The following TJP1 variants were observed in gnomAD, a reference collection of about 807,000 sequenced individuals.
TJP1 encodes the protein tight junction protein 1.
Under a neutral mutation model 194.2 loss-of-function variants are expected in TJP1, and 43 were observed. The observed-to-expected ratio is 0.22, with a 90% CI of 0.17 to 0.29. The LOEUF (loss-of-function observed/expected upper bound fraction) is 0.29. TJP1 is among the 10% of genes least tolerant of loss of function. TJP1 has a pLI of 1.00. For missense variants in TJP1, 1,971 were observed against 2,185.7 expected (o/e 0.90, Z 1.96); for synonymous variants, 801 against 779.0 (o/e 1.03, Z -0.47).
At chr15:29,877,547 T>TTTTCTTTCTTTCTTTTTCTC (rs2052748733) in intron 2 of TJP1, among the ~76,000 whole-genome samples, 1 of 152,060 alleles carries the variant, frequency 6.6e-6, no homozygotes, top group Non-Finnish European at 1.5e-5. Context: ...TTCTCTTCTC[T>TTTTCTTTCTTTCTTTTTCTC]TTTCTTTCTT....
chr15:29,723,541 G>A (rs969085748), intron 18 of TJP1, among the ~76,000 whole-genome samples: 1 of 152,134 alleles, frequency 6.6e-6, no homozygotes, highest in African/African-American at 2.4e-5. Flanking sequence ...AAGTTACCCG[G>A]TCTCAGGTAG....
At chr15:29,921,847 C>CTTTTT (rs202166290) in intron 2 of TJP1, among the ~76,000 whole-genome samples, 1 of 147,288 alleles carries the variant, frequency 6.8e-6, no homozygotes, top group Non-Finnish European at 1.5e-5. Flanking sequence ...TTCTTTCTTT[C>CTTTTT]TTTTTTTTTT....
intron 2 of TJP1, among the ~76,000 whole-genome samples, chr15:29,837,779 G>A (rs1384968367): frequency 1.3e-5 from 2 of 152,128 alleles, no homozygotes; most frequent in Non-Finnish European, 2.9e-5. Flanking sequence ...TACTCTTTCT[G>A]TTTCCTTTTC....
intron 18 of TJP1, among the ~76,000 whole-genome samples, chr15:29,724,342 C>T (rs985574622): frequency 2.0e-5 from 3 of 152,180 alleles, no homozygotes; most frequent in Non-Finnish European, 2.9e-5. Context: ...CTTCTCAACT[C>T]GGTAACAGCT....
chr15:29,726,021 G>A (rs1861916848), intron 18 of TJP1, among the ~76,000 whole-genome samples: 1 of 152,080 alleles, frequency 6.6e-6, no homozygotes, highest in African/African-American at 2.4e-5. Context: ...TGCTCATCTA[G>A]GCCATCCAAA....
chr15:29,861,849 G>T (rs1362882247), intron 2 of TJP1, among the ~76,000 whole-genome samples: 1 of 152,134 alleles, frequency 6.6e-6, no homozygotes, highest in Non-Finnish European at 1.5e-5. Context: ...TATTGATGAA[G>T]CTCATTGTAC....
intron 2 of TJP1, among the ~76,000 whole-genome samples, chr15:29,845,570 C>G (rs2051374784): frequency 6.6e-6 from 1 of 152,130 alleles, no homozygotes; most frequent in African/African-American, 2.4e-5. Flanking sequence ...CTTTGGGAGG[C>G]AGAGGCGGGC....
At chr15:29,704,950 A>G (rs2041799752) in intron 26 of TJP1, among the ~76,000 whole-genome samples, 1 of 152,252 alleles carries the variant, frequency 6.6e-6, no homozygotes, top group African/African-American at 2.4e-5. Flanking sequence ...AAGCACTGCT[A>G]AAAGATGCTA....
intron 2 of TJP1, among the ~76,000 whole-genome samples, chr15:29,931,112 G>A (rs544636488): frequency 2.6e-4 from 40 of 152,052 alleles, no homozygotes; most frequent in Non-Finnish European, 4.0e-4. Flanking sequence ...TGTATATACC[G>A]TATTCTTACA....
rs139269029 is a variant in TJP1 at position 29,709,550 on chromosome 15, G to A, written c.4373-514C>T. 8.3e-4 allele frequency among the ~76,000 whole-genome samples: 126 copies of A among 152,174 alleles called. 1 individual carries two copies. In the East Asian group the frequency reaches 0.021, roughly 25 times the overall value. On this transcript the variant is annotated intron_variant, in intron 24 of 27. Coordinates refer to ENST00000614355, the MANE Select transcript of TJP1 (RefSeq NM_001330239.4). ...AAATAATTAAGGACACTACAAGACAGGAGAATTATTAATCCAAATACCTCA... is the reference window on the plus strand; with the variant it reads ...AAATAATTAAGGACACTACAAGACAAGAGAATTATTAATCCAAATACCTCA...
rs2050425371 is a variant in TJP1 at position 29,822,103 on chromosome 15, C to G, written c.-75G>C. 1 of 1,234,130 alleles carries G rather than the reference C, an allele frequency of 8.1e-7. No individual in the cohort carries two copies. Among genetic ancestry groups the G allele is most frequent in the Admixed American group, 4.3e-5 (1 of 23,250 alleles). The allele number at this position is 1,234,130 out of a possible 1,614,324, so 76.4% of individuals were successfully genotyped here. A position where few individuals can be genotyped will look rare whatever the true frequency, so the allele number is the denominator to read the frequency against. On this transcript the variant is annotated 5_prime_UTR_variant, in exon 1 of 28. Coordinates refer to ENST00000614355, the MANE Select transcript of TJP1 (RefSeq NM_001330239.4). Reference sequence around the variant, plus strand: ...GGCGCTGGCCCGCCCGCTCCTCACGCCACAGCCCAAATAAACATCTCCCGA... The same window carrying G: ...GGCGCTGGCCCGCCCGCTCCTCACGGCACAGCCCAAATAAACATCTCCCGA...
At position 29,705,546 on chromosome 15, in the gene TJP1, G is replaced by A; in HGVS notation, c.5050C>T (p.Pro1684Ser). Residue 1684 changes from proline (P) to serine (S), a missense_variant, in exon 26 of 28, where the codon CCT becomes TCT. Transcript: ENST00000614355. Reference protein sequence around the residue: ...KVCRDNSILPPLDKEKGETLL... With the variant: ...KVCRDNSILPSLDKEKGETLL... ...CATTTACCTTTCTCTTTATCTAAAG[G>A]TGGAAGGATGCTGTTGTCCCGGCAG... is the stretch of plus-strand genomic sequence containing the variant. The A allele has an allele frequency of 6.2e-7, 1 of 1,614,194 alleles. No individual in the cohort carries two copies. Among genetic ancestry groups the A allele is most frequent in the Middle Eastern group, 1.7e-4 (1 of 6,060 alleles).
chr15:29,961,334 C>CTTTTTTTTTT (rs5811594), intron 1 of TJP1, among the ~76,000 whole-genome samples: 2 of 89,834 alleles, frequency 2.2e-5, no homozygotes, highest in African/African-American at 4.6e-5. Flanking sequence ...TTTCCTAATT[C>CTTTTTTTTTT]TTTTTTTTTT....
At chr15:29,827,780 C>CT (rs2050721115) in intron 2 of TJP1, among the ~76,000 whole-genome samples, 1 of 152,104 alleles carries the variant, frequency 6.6e-6, no homozygotes. Flanking sequence ...TTTAATGACA[C>CT]TTTTTTCCTC....
chr15:29,923,843 AGCTCTCC>A (rs1347504088), intron 2 of TJP1, among the ~76,000 whole-genome samples: 1 of 152,160 alleles, frequency 6.6e-6, no homozygotes, highest in African/African-American at 2.4e-5. Context: ...AAAAACCAAA[AGCTCTCC>A]CATATGTGGA....
chr15:29,880,159 T>G (rs1222312650), intron 2 of TJP1, among the ~76,000 whole-genome samples: 1 of 152,194 alleles, frequency 6.6e-6, no homozygotes, highest in African/African-American at 2.4e-5. Context: ...TATTCAATCA[T>G]TTCTCTGTGT....
chr15:29,851,577 A>G (rs2152084332), intron 2 of TJP1, among the ~76,000 whole-genome samples: 1 of 152,376 alleles, frequency 6.6e-6, no homozygotes, highest in African/African-American at 2.4e-5. Flanking sequence ...TCCTTGCAAG[A>G]TATTTGTAGA....
chr15:29,761,512 T>C (rs1451662103), intron 7 of TJP1, 89 bp downstream of exon 7: 1 of 1,476,206 alleles, frequency 6.8e-7, no homozygotes. Flanking sequence ...TGGTAGAAAA[T>C]TATCATTTCA....
chr15:29,879,708 CTT>C (rs869171726), intron 2 of TJP1, among the ~76,000 whole-genome samples: 3 of 138,984 alleles, frequency 2.2e-5, no homozygotes, highest in African/African-American at 8.6e-5. Flanking sequence ...CTTAGACTCT[CTT>C]TTTTTTCTTT....
Sources: allele counts gnomAD v4.1 joint callset (sites outside exome capture counted in the v4.1 genomes callset), GRCh38; gene constraint gnomAD v4.1.1; transcripts MANE v1.5; gene names NCBI Gene and HGNC (gene_info 2026-07-23, HGNC 2026-07-21).